FAM210B: variants seen among roughly 807,000 people sequenced by gnomAD.
The protein encoded by FAM210B is family with sequence similarity 210 member B.
Under a neutral mutation model 14.9 loss-of-function variants are expected in FAM210B, and 11 were observed. The ratio of observed to expected loss-of-function variants is 0.74; its 90% CI spans 0.46 to 1.22. The LOEUF (loss-of-function observed/expected upper bound fraction) is 1.22. Ranked by LOEUF, FAM210B falls within the 50% of genes most tolerant of loss-of-function variation. The pLI, the probability that FAM210B is intolerant of heterozygous loss-of-function variation, is 0.00. For synonymous variants in FAM210B, 113 were observed against 110.2 expected (o/e 1.03, Z -0.16); for missense variants, 229 against 250.1 (o/e 0.92, Z 0.57).
In FAM210B at chr20:56,368,343, GAAAA is replaced by G. The variant is rs1390723054; in HGVS notation, c.*2061_*2064del. On this transcript the variant is annotated 3_prime_UTR_variant, in exon 3 of 3. Transcript: ENST00000371384. Reference sequence around the variant, plus strand: ...TAATGCCTATGCAAAAAAAAAAAAAGAAAAAAAAGAAAAACTGATGGTGAAACCT... The same window carrying G: ...TAATGCCTATGCAAAAAAAAAAAAAGAAAAGAAAAACTGATGGTGAAACCT... 1 of 147,206 alleles carries G rather than the reference GAAAA, an allele frequency of 6.8e-6. No individual in the cohort carries two copies. The highest frequency in any genetic ancestry group is 6.7e-5 in the Admixed American group (1 of 14,820). 9.1% of individuals were successfully genotyped at this position (147,206 alleles called of 1,614,324 possible).
At chr20:56,365,962 TCAGC>T in intron 2 of FAM210B, 105 bp from the exon 3 acceptor site, 1 of 754,896 alleles carries the variant, frequency 1.3e-6, no homozygotes, top group Non-Finnish European at 2.0e-6. Flanking sequence ...TTTTATTCAT[TCAGC>T]TACTTCATTA....
chr20:56,364,927 C>T (rs373816047), intron 1 of FAM210B, among the ~76,000 whole-genome samples, 160 bp from the exon 2 acceptor site: 5 of 152,220 alleles, frequency 3.3e-5, no homozygotes, highest in African/African-American at 1.2e-4. Flanking sequence ...GCACTCCAGC[C>T]TGGATGACAG....
chr20:56,363,307 C>T lies in FAM210B; in HGVS notation c.187-1780C>T, dbSNP rs2146108204. ...TCCCTCCCTCCTGAGCCTCAGTCAT[C>T]CATCTGTCAAAACAGGAGCGACAAA... On this transcript the variant is annotated intron_variant, in intron 1 of 2. Coordinates refer to ENST00000371384, the MANE Select transcript of FAM210B (RefSeq NM_080821.3). This position sits in a 1 kb window ranked among gnomAD's most constrained non-coding sequence, Gnocchi z 4.1. 2.0e-5 allele frequency among the ~76,000 whole-genome samples: 3 copies of T among 152,310 alleles called. No individual in the cohort carries two copies. In the Middle Eastern group the frequency reaches 0.01, roughly 518 times the overall value.
Position 56,366,507 on chromosome 20 carries a change from A to G in FAM210B, c.*220A>G, listed in dbSNP as rs543621350. On this transcript the variant is annotated 3_prime_UTR_variant, in exon 3 of 3. Transcript: ENST00000371384. ...ATGCTATTCATTATAGGGCTTGTATATATAATCTAAAATGTCAGCAAGGCA... is the reference window on the plus strand; with the variant it reads ...ATGCTATTCATTATAGGGCTTGTATGTATAATCTAAAATGTCAGCAAGGCA... 27 of 513,376 alleles carry G rather than the reference A, an allele frequency of 5.3e-5. No homozygotes were observed. Among genetic ancestry groups the G allele is most frequent in the Admixed American group, 2.6e-4 (7 of 27,320 alleles). The allele number at this position is 513,376 out of a possible 1,614,324, so 31.8% of individuals were successfully genotyped here.
intron 1 of FAM210B, chr20:56,360,136 C>A (rs1261737924): frequency 4.3e-6 from 2 of 465,576 alleles, no homozygotes; most frequent in South Asian, 3.1e-5. Flanking sequence ...CCCAGGCTTT[C>A]ATCATGCCTC....
Position 56,366,529 on chromosome 20 carries a change from G to A in FAM210B, c.*242G>A, listed in dbSNP as rs190172167. On this transcript the variant is annotated 3_prime_UTR_variant, in exon 3 of 3. Transcript: ENST00000371384. Reference sequence around the variant, plus strand: ...TATATATAATCTAAAATGTCAGCAAGGCATCGGAGATGGGTTAACATCTCA... The same window carrying A: ...TATATATAATCTAAAATGTCAGCAAAGCATCGGAGATGGGTTAACATCTCA... The A allele has an allele frequency of 3.1e-5, 14 of 453,958 alleles. No homozygotes were observed. The East Asian group carries it at 3.7e-4, about 12-fold the overall frequency. The allele number at this position is 453,958 out of a possible 1,614,324, so 28.1% of individuals were successfully genotyped here. A position where few individuals can be genotyped will look rare whatever the true frequency, so the allele number is the denominator to read the frequency against.
Position 56,367,442 on chromosome 20 carries a change from C to A in FAM210B, c.*1155C>A, listed in dbSNP as rs1183530122. On this transcript the variant is annotated 3_prime_UTR_variant, in exon 3 of 3. Coordinates refer to ENST00000371384, the MANE Select transcript of FAM210B (RefSeq NM_080821.3). ...TCACTTGAGGCCAGGAGTTCGAGAC[C>A]AGCCTGGCCAACATGATGAAACCCC... The A allele has an allele frequency of 6.6e-6, 1 of 152,148 alleles. No individual in the cohort carries two copies. The highest frequency in any genetic ancestry group is 1.5e-5 in the Non-Finnish European group (1 of 68,130). 9.4% of individuals were successfully genotyped at this position (152,148 alleles called of 1,614,324 possible). A position where few individuals can be genotyped will look rare whatever the true frequency, so the allele number is the denominator to read the frequency against.
At chr20:56,360,325 C>G in intron 1 of FAM210B, 1 of 450,604 alleles carries the variant, frequency 2.2e-6, no homozygotes, top group South Asian at 1.6e-5. Flanking sequence ...TGTGAGGTCT[C>G]GGATGCCTCC....
At chr20:56,364,660 G>A (rs1983594161) in intron 1 of FAM210B, among the ~76,000 whole-genome samples, 1 of 152,144 alleles carries the variant, frequency 6.6e-6, no homozygotes, top group South Asian at 2.1e-4. Context: ...CTCAAACTCG[G>A]CTCACTGAGT....
Position 56,366,412 on chromosome 20 carries a change from A to C in FAM210B, c.*125A>C. The C allele has an allele frequency of 9.2e-6, 8 of 868,190 alleles. No individual in the cohort carries two copies. The highest frequency in any genetic ancestry group is 2.6e-5 in the East Asian group (1 of 37,998). The allele number at this position is 868,190 out of a possible 1,614,324, so 53.8% of individuals were successfully genotyped here. A position where few individuals can be genotyped will look rare whatever the true frequency, so the allele number is the denominator to read the frequency against. ...GTAGGGGGCTAATTGCTATGTTCTCATGGATAAACTTTGCCAGCAAAAATC... is the reference window on the plus strand; with the variant it reads ...GTAGGGGGCTAATTGCTATGTTCTCCTGGATAAACTTTGCCAGCAAAAATC... On this transcript the variant is annotated 3_prime_UTR_variant, in exon 3 of 3. Transcript: ENST00000371384.
At position 56,365,195 on chromosome 20, in the gene FAM210B, G is replaced by GT; in HGVS notation, c.297dup (p.Gly100TrpfsTer36). On this transcript the variant is annotated frameshift_variant, in exon 2 of 3. Coordinates refer to ENST00000371384, the MANE Select transcript of FAM210B (RefSeq NM_080821.3). LOFTEE classifies it high-confidence loss of function. ...AAAGATTTTTCAAGAGTATGGCACT[G>GT]TTGGCGTGTCATTGCACATTGGAAT... 1 of 1,614,222 alleles carries GT rather than the reference G, an allele frequency of 6.2e-7. No homozygotes were observed. Among genetic ancestry groups the GT allele is most frequent in the Non-Finnish European group, 8.5e-7 (1 of 1,180,032 alleles).
intron 2 of FAM210B, 148 bp from the exon 3 acceptor site, chr20:56,365,923 C>T (rs1983624790): frequency 3.6e-6 from 2 of 561,612 alleles, no homozygotes; most frequent in Non-Finnish European, 5.9e-6. Flanking sequence ...GGATTACAGG[C>T]GTGAGCCACT....
chr20:56,360,016 T>C (rs971647922), intron 1 of FAM210B, among the ~76,000 whole-genome samples: 1 of 152,224 alleles, frequency 6.6e-6, no homozygotes, highest in African/African-American at 2.4e-5. Context: ...CAGCAAGAGT[T>C]TGGGAGACAA....
rs1983636829 is a variant in FAM210B, at chr20:56,366,389, A to C, written c.*102A>C. The C allele has an allele frequency of 9.0e-7, 1 of 1,105,854 alleles. No individual in the cohort carries two copies. Among genetic ancestry groups the C allele is most frequent in the Middle Eastern group, 2.1e-4 (1 of 4,764 alleles). The allele number at this position is 1,105,854 out of a possible 1,614,324, so 68.5% of individuals were successfully genotyped here. ...GTTGTAGGGTTTCTTTTGGAGAGGTAGGGGGCTAATTGCTATGTTCTCATG... is the reference window on the plus strand; with the variant it reads ...GTTGTAGGGTTTCTTTTGGAGAGGTCGGGGGCTAATTGCTATGTTCTCATG... On this transcript the variant is annotated 3_prime_UTR_variant, in exon 3 of 3. Transcript: ENST00000371384.
intron 2 of FAM210B, 129 bp from the exon 3 acceptor site, chr20:56,365,942 C>A: frequency 1.6e-6 from 1 of 638,942 alleles, no homozygotes; most frequent in South Asian, 2.3e-5. Flanking sequence ...CTGCACCTGG[C>A]CACTAAGACT....
chr20:56,359,588 C>T lies in FAM210B; in HGVS notation c.186+397C>T, dbSNP rs1358229350. Among the ~76,000 whole-genome samples, 2 of 151,390 alleles carry T rather than the reference C, an allele frequency of 1.3e-5. No individual in the cohort carries two copies. The highest frequency in any genetic ancestry group is 2.9e-5 in the Non-Finnish European group (2 of 68,036). On this transcript the variant is annotated intron_variant, in intron 1 of 2. Transcript: ENST00000371384. The surrounding 1 kb of genome is among the most constrained non-coding windows in gnomAD (Gnocchi z 4.3). The stretch of plus-strand genomic sequence containing the variant: ...TGAACACCTCCCGACGCTCGCTGCT[C>T]CTCCCTTTTCTTCTGAGTGGAAGAG...
chr20:56,359,035 G>T lies in FAM210B; in HGVS notation c.30G>T (p.Pro10=), dbSNP rs1224280187. 4.7e-5 allele frequency: 63 copies of T among 1,347,992 alleles called. No individual in the cohort carries two copies. The highest frequency in any genetic ancestry group is 5.8e-5 in the Non-Finnish European group (61 of 1,043,992). 83.5% of individuals were successfully genotyped at this position (1,347,992 alleles called of 1,614,324 possible). A position where few individuals can be genotyped will look rare whatever the true frequency, so the allele number is the denominator to read the frequency against. ...CCGGGTTGCTGGCGTTGCTGGGTCC[G>T]GCAGGCAGGGTGGGCGCCCGGGTCC... MAGLLALLG[P]AGRVGARVRP... is the part of the protein sequence containing the mutation. Residue 10 remains proline, a synonymous_variant, in exon 1 of 3, where the codon CCG becomes CCT. Transcript: ENST00000371384. The surrounding 1 kb of genome is among the most constrained non-coding windows in gnomAD (Gnocchi z 4.3).
At chr20:56,361,805 C>T (rs527801010) in intron 1 of FAM210B, among the ~76,000 whole-genome samples, 2 of 151,926 alleles carry the variant, frequency 1.3e-5, no homozygotes, top group Non-Finnish European at 2.9e-5. Flanking sequence ...AATGAAGCCC[C>T]GTCTCTACTA....
rs368433759 is a variant in FAM210B at position 56,365,085 on chromosome 20, A to G, written c.187-2A>G. ...ACCTCCTCTTCTCTGATTTGTACACAGGACCCCAGCCAGGCCACGGGGACA... is the reference window on the plus strand; with the variant it reads ...ACCTCCTCTTCTCTGATTTGTACACGGGACCCCAGCCAGGCCACGGGGACA... On this transcript the variant is annotated splice_acceptor_variant, in intron 1 of 2. Transcript: ENST00000371384. LOFTEE classifies it high-confidence loss of function. The G allele has an allele frequency of 2.2e-5, 36 of 1,611,820 alleles. No homozygotes were observed. The highest frequency in any genetic ancestry group is 2.9e-5 in the Non-Finnish European group (34 of 1,179,528).
Sources: gnomAD v4.1 joint callset for allele counts (sites outside exome capture counted in the v4.1 genomes callset) on GRCh38, gnomAD v4.1.1 for gene constraint, Gnocchi (gnomAD v3.1) non-coding constraint, MANE v1.5 for transcripts, NCBI Gene and HGNC (gene_info 2026-07-23, HGNC 2026-07-21) for gene names.